MAP3K5: variants seen among roughly 807,000 people sequenced by gnomAD.
MAP3K5 encodes mitogen-activated protein kinase kinase kinase 5, also known as ASK-1.
In MAP3K5, 56 loss-of-function variants were observed where a neutral mutation model predicts 158.7. The ratio of observed to expected loss-of-function variants is 0.35; its 90% CI spans 0.28 to 0.44. MAP3K5 has a LOEUF of 0.44. MAP3K5 is among the 20% of genes least tolerant of loss of function. MAP3K5 has a pLI of 1.00. For synonymous variants in MAP3K5, 579 were observed against 601.7 expected (o/e 0.96, Z 0.55); for missense variants, 1,294 against 1,674.8 (o/e 0.77, Z 3.97).
rs767682792 is a variant in MAP3K5 at position 136,695,994 on chromosome 6, A to G, written c.1039T>C (p.Ser347Pro). ...LEKLPTFDLA[S>P]HHHVKFHYAF... ...TAATGAAACTTCACATGGTGATGGG[A>G]GGCCAAATCAAAGGTTGGCAGTTTT... Residue 347 changes from serine to proline, a missense_variant, in exon 6 of 30, where the codon TCC (serine) becomes CCC (proline). Coordinates refer to ENST00000359015, the MANE Select transcript of MAP3K5 (RefSeq NM_005923.4). 1 of 1,613,842 alleles carries G rather than the reference A, an allele frequency of 6.2e-7. No individual in the cohort carries two copies. The highest frequency in any genetic ancestry group is 1.1e-5 in the South Asian group (1 of 91,074).
At chr6:136,687,425 G>A (rs1022584116) in intron 7 of MAP3K5, among the ~76,000 whole-genome samples, 7 of 152,104 alleles carry the variant, frequency 4.6e-5, no homozygotes, top group Middle Eastern at 3.4e-3. Flanking sequence ...TAGACAAATG[G>A]GATCTAATTA....
intron 7 of MAP3K5, among the ~76,000 whole-genome samples, chr6:136,684,950 ACT>A (rs1364835627): frequency 1.3e-5 from 2 of 152,160 alleles, no homozygotes; most frequent in East Asian, 1.9e-4. Context: ...CAAACCATTC[ACT>A]CTCTGTCTCA....
chr6:136,574,776 C>A (rs1448507430), intron 25 of MAP3K5, among the ~76,000 whole-genome samples: 6 of 150,314 alleles, frequency 4.0e-5, no homozygotes, highest in African/African-American at 1.2e-4. Context: ...GCAGGCTCCA[C>A]CCCCTGGGGT....
chr6:136,787,169 C>A (rs1245747019), intron 1 of MAP3K5, among the ~76,000 whole-genome samples: 1 of 152,076 alleles, frequency 6.6e-6, no homozygotes, highest in African/African-American at 2.4e-5. Context: ...TTGAGACCTG[C>A]CTAGGCAATA....
intron 14 of MAP3K5, among the ~76,000 whole-genome samples, chr6:136,628,080 TTGGG>T (rs1213364466): frequency 1.3e-5 from 2 of 152,202 alleles, no homozygotes; most frequent in African/African-American, 4.8e-5. Context: ...TGGTTTATTC[TTGGG>T]TGAAAGCATT....
At chr6:136,694,958 G>A (rs1780539104) in intron 6 of MAP3K5, among the ~76,000 whole-genome samples, 1 of 152,048 alleles carries the variant, frequency 6.6e-6, no homozygotes, top group South Asian at 2.1e-4. Context: ...ACCACATACT[G>A]TATGATTCCA....
chr6:136,746,665 T>A (rs918075895), intron 1 of MAP3K5, among the ~76,000 whole-genome samples: 1 of 152,056 alleles, frequency 6.6e-6, no homozygotes, highest in African/African-American at 2.4e-5. Context: ...AAAAAAACAA[T>A]TTGAGTATGC....
chr6:136,792,318 C>T lies in MAP3K5; in HGVS notation c.-161G>A. On this transcript the variant is annotated 5_prime_UTR_variant, in exon 1 of 30. Coordinates refer to ENST00000359015, the MANE Select transcript of MAP3K5 (RefSeq NM_005923.4). The surrounding 1 kb of genome is among the most constrained non-coding windows in gnomAD (Gnocchi z 5.7). The stretch of plus-strand genomic sequence containing the variant: ...CCGCCTCCTCTCCGGCGCCCTCTCC[C>T]CCGAGGGCACGCCGCTGCCCGGCGG... 1 of 1,024,288 alleles carries T rather than the reference C, an allele frequency of 9.8e-7. No homozygotes were observed. Among genetic ancestry groups the T allele is most frequent in the Non-Finnish European group, 1.2e-6 (1 of 860,546 alleles). The allele number at this position is 1,024,288 out of a possible 1,614,324, so 63.4% of individuals were successfully genotyped here. A position where few individuals can be genotyped will look rare whatever the true frequency, so the allele number is the denominator to read the frequency against.
At chr6:136,738,722 G>GCTT (rs1445551356) in intron 1 of MAP3K5, among the ~76,000 whole-genome samples, 6 of 152,276 alleles carry the variant, frequency 3.9e-5, no homozygotes, top group Middle Eastern at 3.4e-3. Flanking sequence ...GAGCTAATGA[G>GCTT]CTGAAGTGCT....
chr6:136,773,514 T>G (rs925965126), intron 1 of MAP3K5, among the ~76,000 whole-genome samples: 2 of 152,230 alleles, frequency 1.3e-5, no homozygotes, highest in Non-Finnish European at 2.9e-5. Flanking sequence ...CTCTTTGCAT[T>G]GCTTTTAGAG....
chr6:136,700,023 G>A (rs770813350), intron 3 of MAP3K5, among the ~76,000 whole-genome samples: 10 of 151,998 alleles, frequency 6.6e-5, no homozygotes, highest in East Asian at 1.9e-4. Context: ...GTAGTGAGCC[G>A]AGATTGCGCC....
chr6:136,574,971 G>A (rs1774542820), intron 25 of MAP3K5, among the ~76,000 whole-genome samples: 2 of 151,818 alleles, frequency 1.3e-5, no homozygotes, highest in Non-Finnish European at 2.9e-5. Context: ...TTATAGGCGT[G>A]AGCCACCGCG....
chr6:136,751,192 T>C (rs1486408674), intron 1 of MAP3K5, among the ~76,000 whole-genome samples: 1 of 152,104 alleles, frequency 6.6e-6, no homozygotes, highest in Non-Finnish European at 1.5e-5. Flanking sequence ...CTTCATTTTT[T>C]ATTAGGTCAT....
intron 1 of MAP3K5, among the ~76,000 whole-genome samples, chr6:136,752,326 ACAGT>A (rs1783247787): frequency 6.7e-6 from 1 of 150,010 alleles, no homozygotes; most frequent in African/African-American, 2.5e-5. Context: ...AGGAAACAAC[ACAGT>A]CAGAGAGCCC....
chr6:136,595,071 G>A (rs1370905998), intron 21 of MAP3K5, among the ~76,000 whole-genome samples: 1 of 152,206 alleles, frequency 6.6e-6, no homozygotes, highest in Non-Finnish European at 1.5e-5. Flanking sequence ...GGGACTTACA[G>A]ATATTCTGCA....
chr6:136,678,898 G>A (rs982945250), intron 7 of MAP3K5, among the ~76,000 whole-genome samples: 2 of 151,958 alleles, frequency 1.3e-5, no homozygotes, highest in Admixed American at 6.6e-5. Flanking sequence ...GGTAATTTTT[G>A]TATTTTTAGT....
At chr6:136,775,203 C>T (rs561414097) in intron 1 of MAP3K5, among the ~76,000 whole-genome samples, 1 of 152,152 alleles carries the variant, frequency 6.6e-6, no homozygotes, top group East Asian at 1.9e-4. Context: ...AAAAAGAATG[C>T]TAAGGTCAAG....
At chr6:136,577,825 T>C (rs559946889) in intron 25 of MAP3K5, among the ~76,000 whole-genome samples, 1 of 152,376 alleles carries the variant, frequency 6.6e-6, no homozygotes, top group Non-Finnish European at 1.5e-5. Context: ...TAAATTAACA[T>C]TGGTATAAAC....
At position 136,600,265 on chromosome 6, in the gene MAP3K5, A is replaced by C. The variant is rs114698120; in HGVS notation, c.2878+757T>G. 6.4e-3 allele frequency among the ~76,000 whole-genome samples: 931 copies of C among 146,040 alleles called. 8 individuals are homozygous for C. Among genetic ancestry groups the C allele is most frequent in the African/African-American group, 0.023 (898 of 38,916 alleles). Reference sequence around the variant, plus strand: ...GAGTGCAGTGGTATAATCACGGCTCACTACAACCTCCACCACCCCAGTCTC... The same window carrying C: ...GAGTGCAGTGGTATAATCACGGCTCCCTACAACCTCCACCACCCCAGTCTC... On this transcript the variant is annotated intron_variant, in intron 21 of 29. Coordinates refer to ENST00000359015, the MANE Select transcript of MAP3K5 (RefSeq NM_005923.4).
Sources: gnomAD v4.1 joint callset for allele counts (sites outside exome capture counted in the v4.1 genomes callset) on GRCh38, gnomAD v4.1.1 for gene constraint, Gnocchi (gnomAD v3.1) non-coding constraint, MANE v1.5 for transcripts, NCBI Gene and HGNC (gene_info 2026-07-23, HGNC 2026-07-21) for gene names.